The following TMPRSS7 variants were observed in gnomAD, a reference collection of about 807,000 sequenced individuals.
The protein encoded by TMPRSS7 is transmembrane protease serine 7.
A neutral mutation model predicts 95.6 loss-of-function variants in TMPRSS7; 81 were observed. The ratio of observed to expected loss-of-function variants is 0.85; its 90% confidence interval spans 0.71 to 1.02. The LOEUF (loss-of-function observed/expected upper bound fraction) is 1.02. Ranked by LOEUF, TMPRSS7 falls within the 50% of genes least tolerant of loss-of-function variation. The pLI is 0.00. For missense variants in TMPRSS7, 945 were observed against 955.2 expected (o/e 0.99, Z 0.14); for synonymous variants, 364 against 337.8 (o/e 1.08, Z -0.85).
At chr3:112,076,500 A>G (rs548317617) in intron 15 of TMPRSS7, among the ~76,000 whole-genome samples, 6 of 152,350 alleles carry the variant, frequency 3.9e-5, no homozygotes, top group African/African-American at 9.6e-5. Context: ...AGGATTCTCC[A>G]TCAAATGCCA....
At chr3:112,064,431 C>T (rs1237998688) in intron 12 of TMPRSS7, among the ~76,000 whole-genome samples, 5 of 151,912 alleles carry the variant, frequency 3.3e-5, no homozygotes, top group African/African-American at 1.2e-4. Context: ...TCACTGCAGT[C>T]TTGTCTTCCT....
intron 17 of TMPRSS7, among the ~76,000 whole-genome samples, chr3:112,080,387 T>C (rs2073762568): frequency 6.6e-6 from 1 of 152,174 alleles, no homozygotes; most frequent in Admixed American, 6.5e-5. Flanking sequence ...CATGGGGCTA[T>C]GAGCTAACCA....
At chr3:112,069,773 C>A (rs937716196) in intron 13 of TMPRSS7, among the ~76,000 whole-genome samples, 3 of 151,952 alleles carry the variant, frequency 2.0e-5, no homozygotes, top group South Asian at 2.1e-4. Flanking sequence ...TTCAAAAAAC[C>A]AGCTCTCAGA....
exon 13 of TMPRSS7, chr3:112,066,501 A>G (rs767437156): frequency 6.2e-7 from 1 of 1,613,414 alleles, no homozygotes; most frequent in Admixed American, 1.7e-5. Flanking sequence ...ACTGCACTCA[A>G]AGTGAGGGAG....
intron 13 of TMPRSS7, among the ~76,000 whole-genome samples, chr3:112,071,825 T>G (rs2073651034): frequency 6.6e-6 from 1 of 152,192 alleles, no homozygotes; most frequent in African/African-American, 2.4e-5. Context: ...TTCTACACTG[T>G]TTATTCTAGT....
chr3:112,042,986 A>C, intron 3 of TMPRSS7: 1 of 455,668 alleles, frequency 2.2e-6, no homozygotes, highest in South Asian at 1.6e-5. Flanking sequence ...GAATGAGGAA[A>C]GGTGGTGAGA....
At chr3:112,080,487 AT>A (rs1472528526) in intron 17 of TMPRSS7, among the ~76,000 whole-genome samples, 8 of 152,090 alleles carry the variant, frequency 5.3e-5, no homozygotes, top group African/African-American at 1.5e-4. Context: ...TCTCTAAACG[AT>A]TCTTAGCACA....
In TMPRSS7 at chr3:112,056,575, G is replaced by A. The variant is rs143186394; in HGVS notation, c.1204-450G>A. On this transcript the variant is annotated intron_variant, in intron 9 of 17. Coordinates refer to ENST00000452346, the Ensembl canonical transcript of TMPRSS7. The stretch of plus-strand genomic sequence containing the variant: ...CTGAGGTCTTCCAAGAAGATCTAGG[G>A]GTGACTCACTAACAGCCTTCAGAAA... Among the ~76,000 whole-genome samples, 581 of 152,130 alleles carry A rather than the reference G, an allele frequency of 3.8e-3. 3 individuals carry two copies. The highest frequency in any genetic ancestry group is 0.013 in the African/African-American group (535 of 41,496).
intron 15 of TMPRSS7, 35 bp from the exon 16 acceptor site, chr3:112,076,838 TAAG>T (rs773965936): frequency 6.3e-7 from 1 of 1,597,016 alleles, no homozygotes; most frequent in Non-Finnish European, 8.5e-7. Context: ...TGTGGTTCTT[TAAG>T]CTGCTAACTT....
At chr3:112,072,025 C>T (rs1053246875) in intron 13 of TMPRSS7, among the ~76,000 whole-genome samples, 2 of 152,172 alleles carry the variant, frequency 1.3e-5, no homozygotes, top group Admixed American at 6.5e-5. Flanking sequence ...GGAGAAGAGG[C>T]GCTCTGGTTT....
intron 14 of TMPRSS7, 121 bp from the exon 15 acceptor site, chr3:112,075,200 A>G (rs757756798): frequency 1.3e-5 from 13 of 974,364 alleles, no homozygotes; most frequent in Non-Finnish European, 1.8e-5. Context: ...TCTGTCCTCT[A>G]GATAAGGAGA....
chr3:112,065,174 G>A (rs1417872825), intron 12 of TMPRSS7, among the ~76,000 whole-genome samples: 1 of 152,084 alleles, frequency 6.6e-6, no homozygotes, highest in African/African-American at 2.4e-5. Context: ...CTGAGTAGCT[G>A]GGAATACAGG....
intron 11 of TMPRSS7, among the ~76,000 whole-genome samples, chr3:112,063,282 A>T (rs964920327): frequency 2.6e-5 from 4 of 152,190 alleles, no homozygotes; most frequent in Admixed American, 6.5e-5. Flanking sequence ...GCTTGTGCAT[A>T]TGACCTGAAT....
At chr3:112,046,253 A>C (rs2073276828) in intron 5 of TMPRSS7, among the ~76,000 whole-genome samples, 1 of 152,210 alleles carries the variant, frequency 6.6e-6, no homozygotes, top group Non-Finnish European at 1.5e-5. Context: ...ACCCTAGACA[A>C]GGAAGAATTT....
At position 112,035,392 on chromosome 3, in the gene TMPRSS7, A is replaced by G. The variant is rs769272784; in HGVS notation, c.48+499A>G. Among the ~76,000 whole-genome samples, 5 of 152,354 alleles carry G rather than the reference A, an allele frequency of 3.3e-5. No homozygotes were observed. In the South Asian group the frequency reaches 6.2e-4, roughly 19 times the overall value. On this transcript the variant is annotated intron_variant, in intron 1 of 17. Coordinates refer to ENST00000452346, the Ensembl canonical transcript of TMPRSS7. ...ATGTCTGGTCTAGTTCAATTTCACC[A>G]GAAAGGATACAAGCAACACTTCACT...
chr3:112,066,460 A>C, exon 13 of TMPRSS7: 1 of 1,613,968 alleles, frequency 6.2e-7, no homozygotes, highest in South Asian at 1.1e-5. Context: ...TGATGGCTTC[A>C]GGGACTGTGA....
At chr3:112,059,952 C>T (rs552071920) in intron 10 of TMPRSS7, among the ~76,000 whole-genome samples, 37 of 152,228 alleles carry the variant, frequency 2.4e-4, no homozygotes, top group East Asian at 9.6e-4. Flanking sequence ...AACCTGCCCC[C>T]GATAGTCATG....
rs7622023 is a variant in TMPRSS7 at position 112,079,657 on chromosome 3, G to A, written c.2361+779G>A. Among the ~76,000 whole-genome samples the A allele has an allele frequency of 3.3e-3, 502 of 152,288 alleles. 3 individuals are homozygous for A. The highest frequency in any genetic ancestry group is 0.01 in the African/African-American group (430 of 41,558). On this transcript the variant is annotated intron_variant, in intron 17 of 17. Transcript: ENST00000452346. The stretch of plus-strand genomic sequence containing the variant: ...ATTGCATACTCCTGATTTAGAGGGT[G>A]AGTAGGACAGTGGGAGCTGTTCTTT...
At chr3:112,061,000 G>C (rs2073497168) in intron 10 of TMPRSS7, among the ~76,000 whole-genome samples, 1 of 152,074 alleles carries the variant, frequency 6.6e-6, no homozygotes, top group Non-Finnish European at 1.5e-5. Context: ...CCTCCATTCA[G>C]GGTCCCTGAC....
Sources: gnomAD v4.1 joint callset for allele counts (sites outside exome capture counted in the v4.1 genomes callset) on GRCh38, gnomAD v4.1.1 for gene constraint, MANE v1.5 for transcripts, NCBI Gene and HGNC (gene_info 2026-07-23, HGNC 2026-07-21) for gene names.